BLK: variants seen among roughly 807,000 people sequenced by gnomAD.
The protein encoded by BLK is tyrosine-protein kinase Blk.
Under a neutral mutation model 61.8 loss-of-function variants are expected in BLK, and 64 were observed. That is an observed-to-expected ratio of 1.03 (90% confidence interval 0.85 to 1.27). The LOEUF (loss-of-function observed/expected upper bound fraction) is 1.27. Ranked by LOEUF, BLK falls within the 50% of genes most tolerant of loss-of-function variation. The pLI, the probability that BLK is intolerant of heterozygous loss-of-function variation, is 0.00. For missense variants in BLK, 853 were observed against 660.5 expected, an observed-to-expected ratio of 1.29 and a Z score of -3.19; for synonymous variants, 351 against 272.0, an observed-to-expected ratio of 1.29 and a Z score of -2.86.
rs141714531 is a variant in BLK at position 11,537,062 on chromosome 8, C to T, written c.-1-6162C>T. Among the ~76,000 whole-genome samples the T allele has an allele frequency of 2.6e-5, 4 of 152,282 alleles. No individual in the cohort carries two copies. In the East Asian group the frequency reaches 7.7e-4, roughly 29 times the overall value. On this transcript the variant is annotated intron_variant, in intron 1 of 12. Transcript: ENST00000259089. ...GAACCTCGTTGCTAGGAACTGTTAT[C>T]GGGGCTGTTTCAGGTTCACATGTGG...
intron 1 of BLK, among the ~76,000 whole-genome samples, chr8:11,513,546 G>A (rs1404196580): frequency 6.6e-6 from 1 of 152,160 alleles, no homozygotes; most frequent in Non-Finnish European, 1.5e-5. Flanking sequence ...TGCAATCATA[G>A]CCCCTGAATG....
intron 1 of BLK, among the ~76,000 whole-genome samples, chr8:11,516,840 G>A (rs1304867647): frequency 6.6e-6 from 1 of 152,206 alleles, no homozygotes; most frequent in African/African-American, 2.4e-5. Flanking sequence ...CATGGACACT[G>A]GCTGCTGCCA....
At chr8:11,557,261 T>G (rs1051248303) in intron 9 of BLK, among the ~76,000 whole-genome samples, 3 of 152,066 alleles carry the variant, frequency 2.0e-5, no homozygotes, top group Non-Finnish European at 4.4e-5. Flanking sequence ...GCCAGAGAGG[T>G]TGGGCTTGAT....
intron 1 of BLK, among the ~76,000 whole-genome samples, chr8:11,523,508 G>C (rs1408711230): frequency 6.6e-6 from 1 of 152,122 alleles, no homozygotes; most frequent in Non-Finnish European, 1.5e-5. Flanking sequence ...AGCTGCGATG[G>C]CGCCACTATA....
chr8:11,562,540 C>A (rs905350585), intron 11 of BLK, among the ~76,000 whole-genome samples: 17 of 152,136 alleles, frequency 1.1e-4, no homozygotes, highest in Non-Finnish European at 2.5e-4. Flanking sequence ...TAGCGGCCCT[C>A]GGAGGTACAA....
At chr8:11,561,090 G>C (rs1210293074) in intron 10 of BLK, 9 of 720,996 alleles carry the variant, frequency 1.2e-5, no homozygotes, top group Middle Eastern at 2.3e-4. Context: ...GGTAGCCCCT[G>C]TGTCTCTGAT....
intron 10 of BLK, chr8:11,558,900 G>T: frequency 4.4e-6 from 2 of 452,636 alleles, no homozygotes; most frequent in Middle Eastern, 3.3e-4. Flanking sequence ...CTCGCCCCTC[G>T]CCCAGCCTTA....
chr8:11,535,198 G>A (rs7822525), intron 1 of BLK, among the ~76,000 whole-genome samples: 2 of 79,206 alleles, frequency 2.5e-5, no homozygotes, highest in East Asian at 4.3e-4. Flanking sequence ...AAAGAAAGAA[G>A]GAAAGAAAGA....
intron 6 of BLK, among the ~76,000 whole-genome samples, chr8:11,550,632 C>T (rs1419091134): frequency 2.0e-5 from 3 of 152,244 alleles, no homozygotes; most frequent in African/African-American, 7.2e-5. Flanking sequence ...CTCAAAGAAT[C>T]CTTCAAGATC....
intron 1 of BLK, among the ~76,000 whole-genome samples, chr8:11,504,982 A>G (rs541876644): frequency 6.6e-6 from 1 of 152,330 alleles, no homozygotes; most frequent in South Asian, 2.1e-4. Flanking sequence ...ACATGCACAC[A>G]GACACATAGA....
At chr8:11,534,195 G>T (rs925575524) in intron 1 of BLK, among the ~76,000 whole-genome samples, 1 of 152,174 alleles carries the variant, frequency 6.6e-6, no homozygotes, top group Non-Finnish European at 1.5e-5. Flanking sequence ...ACTCCATTGG[G>T]AAGTAATGAC....
chr8:11,540,064 G>T (rs907524768), intron 1 of BLK, among the ~76,000 whole-genome samples: 38 of 151,602 alleles, frequency 2.5e-4, no homozygotes, highest in Non-Finnish European at 5.9e-5. Context: ...TACTTTTTTT[G>T]TTCTCTCTTC....
intron 1 of BLK, among the ~76,000 whole-genome samples, chr8:11,530,562 T>C (rs1011732078): frequency 5.3e-5 from 8 of 152,230 alleles, no homozygotes; most frequent in African/African-American, 1.7e-4. Context: ...TGCCTTATGT[T>C]AAAAATACTC....
At chr8:11,541,313 G>A (rs1485212974) in intron 1 of BLK, among the ~76,000 whole-genome samples, 1 of 152,100 alleles carries the variant, frequency 6.6e-6, no homozygotes, top group Admixed American at 6.5e-5. Flanking sequence ...GTGCCAAATA[G>A]ACTAATATGC....
chr8:11,551,380 C>G (rs1800895524), intron 6 of BLK, among the ~76,000 whole-genome samples: 1 of 152,206 alleles, frequency 6.6e-6, no homozygotes, highest in Admixed American at 6.5e-5. Flanking sequence ...GGCCGTCCCT[C>G]CATGCATGTC....
rs771552059 is a variant in BLK, at chr8:11,555,495, G to A, written c.772+11G>A. On this transcript the variant is annotated intron_variant, in intron 8 of 12. Transcript: ENST00000259089. ...GCGAAGTCTGGATGGGTGAGTGTGT[G>A]CACACGTGGGAGCATTTCTCCCCCC... is the stretch of plus-strand genomic sequence containing the variant. 27 of 1,613,944 alleles carry A rather than the reference G, an allele frequency of 1.7e-5. 1 individual carries two copies. The African/African-American group carries it at 2.9e-4, about 18-fold the overall frequency.
chr8:11,539,177 G>T (rs1315262506), intron 1 of BLK, among the ~76,000 whole-genome samples: 2 of 151,376 alleles, frequency 1.3e-5, no homozygotes, highest in Non-Finnish European at 2.9e-5. Context: ...ATCCTCCCCA[G>T]CCTCTTTCTG....
At chr8:11,553,588 A>G (rs1158882272) in intron 6 of BLK, 2 of 210,514 alleles carry the variant, frequency 9.5e-6, no homozygotes, top group Admixed American at 5.3e-5. Context: ...AGCCTACAAA[A>G]TGGAGAGAAA....
intron 1 of BLK, among the ~76,000 whole-genome samples, chr8:11,503,587 T>G (rs1452620638): frequency 6.6e-6 from 1 of 152,192 alleles, no homozygotes; most frequent in Non-Finnish European, 1.5e-5. Flanking sequence ...AGCATGTGGC[T>G]GGGTGATTTC....
Sources: gnomAD v4.1 joint callset for allele counts (sites outside exome capture counted in the v4.1 genomes callset) on GRCh38, gnomAD v4.1.1 for gene constraint, MANE v1.5 for transcripts, NCBI Gene and HGNC (gene_info 2026-07-23, HGNC 2026-07-21) for gene names.